SAMD12: variants seen among roughly 807,000 people sequenced by gnomAD.
SAMD12 encodes sterile alpha motif domain-containing protein 12.
SAMD12 carries 9 observed loss-of-function variants against 15.0 expected under a neutral mutation model. The ratio of observed to expected loss-of-function variants is 0.60; its 90% CI spans 0.36 to 1.05. The LOEUF (loss-of-function observed/expected upper bound fraction) is 1.05, where lower values mean the gene tolerates loss of function less well. Among genes scored for constraint, SAMD12 ranks in the 50% least tolerant of loss-of-function variants. The probability of loss-of-function intolerance (pLI) is 0.01; values close to 1 mark genes in which losing one functional copy is unlikely to be tolerated. For synonymous variants in SAMD12, 86 were observed against 90.1 expected (o/e 0.96, Z 0.25); for missense variants, 230 against 234.2 (o/e 0.98, Z 0.12).
At chr8:118,442,564 GTTTC>G (rs1368425538) in intron 2 of SAMD12, among the ~76,000 whole-genome samples, 2 of 152,166 alleles carry the variant, frequency 1.3e-5, no homozygotes, top group African/African-American at 4.8e-5. Flanking sequence ...TGATGTTTAG[GTTTC>G]TTTTTCTCTT....
In SAMD12 at chr8:118,495,586, G is replaced by A. The variant is rs1458483477; in HGVS notation, c.193-55625C>T. ...TTTTTTTACCTTATCTCTTTAATTT[G>A]TCTAATTTTTGGTTAAGAGAATGGG... On this transcript the variant is annotated intron_variant, in intron 2 of 3. Coordinates refer to ENST00000314727, the MANE Select transcript of SAMD12 (RefSeq NM_207506.3). 4.4e-5 allele frequency among the ~76,000 whole-genome samples: 6 copies of A among 136,288 alleles called. 1 individual carries two copies. Among genetic ancestry groups the A allele is most frequent in the Non-Finnish European group, 1.6e-5 (1 of 63,890 alleles). The allele number at this position is 136,288 out of a possible 152,430, so 89.4% of individuals were successfully genotyped here. A position where few individuals can be genotyped will look rare whatever the true frequency, so the allele number is the denominator to read the frequency against.
At chr8:118,159,544 C>G in the SAMD12 span, among the ~76,000 whole-genome samples, 34 of 152,252 alleles carry the variant, frequency 2.2e-4, no homozygotes, top group Middle Eastern at 0.014. Flanking sequence ...GGCAAAGGCG[C>G]CAACTGCCAC....
the SAMD12 span, among the ~76,000 whole-genome samples, chr8:118,147,110 T>C: frequency 0.98 from 148,642 of 151,712 alleles, 72,948 homozygotes; most frequent in Middle Eastern, 1. Context: ...CTGAAAACTC[T>C]GCCTCCTGGG....
At chr8:118,577,960 T>C (rs529588391) in intron 2 of SAMD12, among the ~76,000 whole-genome samples, 5 of 152,202 alleles carry the variant, frequency 3.3e-5, no homozygotes, top group African/African-American at 9.6e-5. Context: ...AAAGAATACA[T>C]ATCTTATTTA....
At chr8:118,617,361 G>A (rs990368778) in intron 1 of SAMD12, among the ~76,000 whole-genome samples, 11 of 152,106 alleles carry the variant, frequency 7.2e-5, no homozygotes, top group African/African-American at 2.4e-4. Flanking sequence ...ACAATATTTT[G>A]GTGATGTGTA....
chr8:118,538,908 C>A (rs187525881), intron 2 of SAMD12, among the ~76,000 whole-genome samples: 234 of 152,152 alleles, frequency 1.5e-3, no homozygotes, highest in African/African-American at 5.5e-3. Flanking sequence ...TTTTTCCTCC[C>A]AAAATATCAT....
chr8:118,205,749 T>G (rs1449955756), intron 4 of SAMD12, among the ~76,000 whole-genome samples: 1 of 152,194 alleles, frequency 6.6e-6, no homozygotes, highest in African/African-American at 2.4e-5. Context: ...GAGGAGTAGT[T>G]CTGCTGCCTG....
intron 2 of SAMD12, among the ~76,000 whole-genome samples, chr8:118,508,483 C>A (rs1280988561): frequency 6.6e-6 from 1 of 151,892 alleles, no homozygotes; most frequent in Non-Finnish European, 1.5e-5. Context: ...TAGGAAGTGA[C>A]CATTTTCACA....
intron 2 of SAMD12, among the ~76,000 whole-genome samples, chr8:118,529,424 C>G (rs1265941250): frequency 1.6e-4 from 24 of 152,162 alleles, no homozygotes; most frequent in Admixed American, 1.6e-3. Context: ...TTAGGGGATA[C>G]AAGTGCGGTT....
At chr8:118,163,903 CAAAACAA>C in the SAMD12 span, among the ~76,000 whole-genome samples, 2 of 147,320 alleles carry the variant, frequency 1.4e-5, no homozygotes, top group South Asian at 2.2e-4. Context: ...CAAAACAAAA[CAAAACAA>C]AACAAAAAAA....
chr8:118,233,970 G>C (rs1185616631), intron 4 of SAMD12, among the ~76,000 whole-genome samples: 1 of 152,192 alleles, frequency 6.6e-6, no homozygotes, highest in Non-Finnish European at 1.5e-5. Context: ...TCCCACAGTA[G>C]AGCTGCTCAA....
At chr8:118,531,539 A>C (rs1825684493) in intron 2 of SAMD12, among the ~76,000 whole-genome samples, 1 of 152,108 alleles carries the variant, frequency 6.6e-6, no homozygotes, top group Non-Finnish European at 1.5e-5. Flanking sequence ...TTTTCACGAT[A>C]TTGATTCTTC....
At chr8:118,161,472 G>C in the SAMD12 span, among the ~76,000 whole-genome samples, 2 of 151,314 alleles carry the variant, frequency 1.3e-5, no homozygotes, top group Non-Finnish European at 1.5e-5. Context: ...TGAGGTGGGA[G>C]GACTGCTTGA....
intron 4 of SAMD12, among the ~76,000 whole-genome samples, chr8:118,286,698 A>C (rs1814043756): frequency 6.6e-6 from 1 of 152,204 alleles, no homozygotes; most frequent in African/African-American, 2.4e-5. Flanking sequence ...CAAGCATGAG[A>C]GGTAGCTGGA....
At chr8:118,152,500 C>T in the SAMD12 span, among the ~76,000 whole-genome samples, 62 of 122,600 alleles carry the variant, frequency 5.1e-4, no homozygotes, top group African/African-American at 1.8e-3. Flanking sequence ...TCCTTCCTTC[C>T]TTCTTCCTTC....
In SAMD12 at chr8:118,547,880, T is replaced by C. The variant is rs370276312; in HGVS notation, c.192+32835A>G. Among the ~76,000 whole-genome samples, 19 of 152,322 alleles carry C rather than the reference T, an allele frequency of 1.2e-4. No individual in the cohort carries two copies. In the South Asian group the frequency reaches 2.1e-3, roughly 17 times the overall value. On this transcript the variant is annotated intron_variant, in intron 2 of 3. Transcript: ENST00000314727. ...TCAAATATACAAAATGTTAAATTAC[T>C]AAATCAAACACTGTTCATCCTCACA...
chr8:118,378,694 T>C lies in SAMD12; in HGVS notation c.*723A>G. The C allele has an allele frequency of 1.0e-6, 1 of 985,126 alleles. No individual in the cohort carries two copies. The highest frequency in any genetic ancestry group is 1.2e-6 in the Non-Finnish European group (1 of 829,678). The allele number at this position is 985,126 out of a possible 1,614,324, so 61.0% of individuals were successfully genotyped here. ...CAAAAACACATATTTTATCATCCTT[T>C]CATTTAAAACGATGTACAATGGACG... On this transcript the variant is annotated 3_prime_UTR_variant, in exon 4 of 4. Coordinates refer to ENST00000314727, the MANE Select transcript of SAMD12 (RefSeq NM_207506.3).
At chr8:118,503,957 G>A (rs1404122967) in intron 2 of SAMD12, among the ~76,000 whole-genome samples, 1 of 151,958 alleles carries the variant, frequency 6.6e-6, no homozygotes, top group African/African-American at 2.4e-5. Flanking sequence ...CTCTTTTTGG[G>A]GTATCTCAAA....
At chr8:118,264,210 G>C (rs1454597247) in intron 4 of SAMD12, among the ~76,000 whole-genome samples, 1 of 152,018 alleles carries the variant, frequency 6.6e-6, no homozygotes, top group Non-Finnish European at 1.5e-5. Flanking sequence ...ACCACCCTCT[G>C]AATGTGTTTA....
Sources: gnomAD v4.1 joint callset for allele counts (sites outside exome capture counted in the v4.1 genomes callset) on GRCh38, gnomAD v4.1.1 for gene constraint, MANE v1.5 for transcripts, NCBI Gene and HGNC (gene_info 2026-07-23, HGNC 2026-07-21) for gene names.